GOLPH3: variants seen among roughly 807,000 people sequenced by gnomAD.
GOLPH3 encodes the protein golgi phosphoprotein 3.
In GOLPH3, 14 loss-of-function variants were observed where a neutral mutation model predicts 28.5. That is an observed-to-expected ratio of 0.49 (90% CI 0.32 to 0.77). The LOEUF (loss-of-function observed/expected upper bound fraction) is 0.77. Among genes scored for constraint, GOLPH3 ranks in the 30% least tolerant of loss-of-function variants. GOLPH3 has a pLI of 0.03. For synonymous variants in GOLPH3, 158 were observed against 159.2 expected (o/e 0.99, Z 0.06); for missense variants, 350 against 393.7 (o/e 0.89, Z 0.94).
intron 1 of GOLPH3, among the ~76,000 whole-genome samples, chr5:32,173,270 AAG>A (rs1746885846): frequency 1.3e-5 from 2 of 151,980 alleles, no homozygotes; most frequent in Admixed American, 6.6e-5. Flanking sequence ...TACTCAGTAA[AAG>A]AGCTTTTCCC....
At chr5:32,155,680 G>A (rs142155955) in intron 1 of GOLPH3, among the ~76,000 whole-genome samples, 193 of 152,124 alleles carry the variant, frequency 1.3e-3, no homozygotes, top group African/African-American at 4.0e-3. Flanking sequence ...GATTCTAGCC[G>A]GAAGCGGTGG....
At chr5:32,173,648 C>G (rs1278644720) in intron 1 of GOLPH3, 162 bp downstream of exon 1, 1 of 434,916 alleles carries the variant, frequency 2.3e-6, no homozygotes, top group Admixed American at 4.6e-5. Context: ...CAACCAACTC[C>G]GACACCGCTC....
At position 32,158,056 on chromosome 5, in the gene GOLPH3, ACACACT is replaced by A. The variant is rs796130949; in HGVS notation, c.226-14182_226-14177del. On this transcript the variant is annotated intron_variant, in intron 1 of 3. Coordinates refer to ENST00000265070, the MANE Select transcript of GOLPH3 (RefSeq NM_022130.4). ...CACACACACACACACACACACACAC[ACACACT>A]GGGCAAAATCAGCTTTAAACTCTGT... 4.3e-4 allele frequency among the ~76,000 whole-genome samples: 56 copies of A among 131,650 alleles called. 1 individual carries two copies. Among genetic ancestry groups the A allele is most frequent in the Non-Finnish European group, 5.5e-4 (34 of 61,346 alleles). The allele number at this position is 131,650 out of a possible 152,430, so 86.4% of individuals were successfully genotyped here. A position where few individuals can be genotyped will look rare whatever the true frequency, so the allele number is the denominator to read the frequency against.
chr5:32,146,058 G>C (rs1351521880), intron 1 of GOLPH3, among the ~76,000 whole-genome samples: 2 of 152,096 alleles, frequency 1.3e-5, no homozygotes, highest in Non-Finnish European at 2.9e-5. Flanking sequence ...TCGGGAGGCA[G>C]AGGCAAGCAG....
chr5:32,129,564 T>C (rs992975631), intron 3 of GOLPH3, among the ~76,000 whole-genome samples: 1 of 152,132 alleles, frequency 6.6e-6, no homozygotes, highest in Non-Finnish European at 1.5e-5. Context: ...CTAACTATAC[T>C]GGCCAGAAGA....
rs904844694 is a variant in GOLPH3 at position 32,174,294 on chromosome 5, A to AGGCGGC, written c.-266_-261dup. 1.8e-5 allele frequency: 6 copies of AGGCGGC among 331,910 alleles called. No homozygotes were observed. Among genetic ancestry groups the AGGCGGC allele is most frequent in the Non-Finnish European group, 2.2e-5 (4 of 183,832 alleles). 20.6% of individuals were successfully genotyped at this position (331,910 alleles called of 1,614,324 possible). ...CGAAACACCCCGAGCTCCAAGGCGG[A>AGGCGGC]GGCGGCGGCGGCGCCTTTCCAATAT... On this transcript the variant is annotated 5_prime_UTR_variant, in exon 1 of 4. Coordinates refer to ENST00000265070, the MANE Select transcript of GOLPH3 (RefSeq NM_022130.4).
chr5:32,159,743 T>A (rs1354582569), intron 1 of GOLPH3, among the ~76,000 whole-genome samples: 4 of 152,234 alleles, frequency 2.6e-5, no homozygotes, highest in Admixed American at 2.0e-4. Context: ...AATTATCATC[T>A]AGGTTCTACA....
chr5:32,171,294 T>C (rs930321634), intron 1 of GOLPH3, among the ~76,000 whole-genome samples: 11 of 151,820 alleles, frequency 7.2e-5, no homozygotes, highest in Non-Finnish European at 1.3e-4. Flanking sequence ...AAAAAAAAAT[T>C]GCAAAAAAAA....
At chr5:32,143,369 A>G (rs1746124416) in intron 2 of GOLPH3, among the ~76,000 whole-genome samples, 1 of 151,942 alleles carries the variant, frequency 6.6e-6, no homozygotes, top group Non-Finnish European at 1.5e-5. Context: ...TCACTTGTTT[A>G]TCTGCTGACC....
chr5:32,145,405 T>C (rs1328263446), intron 1 of GOLPH3, among the ~76,000 whole-genome samples: 2 of 152,226 alleles, frequency 1.3e-5, no homozygotes, highest in Non-Finnish European at 2.9e-5. Flanking sequence ...ATACCAGTAC[T>C]TTATAGAGGT....
At chr5:32,160,317 ATCC>A (rs1746545594) in intron 1 of GOLPH3, among the ~76,000 whole-genome samples, 1 of 152,156 alleles carries the variant, frequency 6.6e-6, no homozygotes, top group Non-Finnish European at 1.5e-5. Flanking sequence ...GACTCAGGCA[ATCC>A]TCCTATCTTG....
intron 1 of GOLPH3, among the ~76,000 whole-genome samples, chr5:32,152,400 C>T (rs1746326838): frequency 6.8e-6 from 1 of 146,134 alleles, no homozygotes; most frequent in Non-Finnish European, 1.5e-5. Context: ...GCTGGGATTA[C>T]AGGTATGAGC....
chr5:32,130,480 T>C (rs1206798641), intron 3 of GOLPH3, among the ~76,000 whole-genome samples: 1 of 152,222 alleles, frequency 6.6e-6, no homozygotes, highest in Non-Finnish European at 1.5e-5. Context: ...AATATGTTTA[T>C]GTTGTCACAA....
chr5:32,158,019 A>ACACAC (rs1161775486), intron 1 of GOLPH3, among the ~76,000 whole-genome samples: 4 of 23,212 alleles, frequency 1.7e-4, no homozygotes, highest in South Asian at 1.3e-3. Flanking sequence ...ATAAATAAAT[A>ACACAC]AAATACACAC....
At chr5:32,129,396 C>T (rs1483337009) in intron 3 of GOLPH3, among the ~76,000 whole-genome samples, 3 of 152,052 alleles carry the variant, frequency 2.0e-5, no homozygotes, top group Non-Finnish European at 4.4e-5. Context: ...TATTATTTGC[C>T]CATGTGCAGA....
intron 3 of GOLPH3, among the ~76,000 whole-genome samples, chr5:32,134,520 T>TAA (rs1224752113): frequency 8.9e-5 from 10 of 112,114 alleles, no homozygotes; most frequent in African/African-American, 2.5e-4. Flanking sequence ...AAAAATAAAA[T>TAA]AAAAAAAAAA....
chr5:32,167,361 A>G (rs567298541), intron 1 of GOLPH3, among the ~76,000 whole-genome samples: 13 of 152,090 alleles, frequency 8.5e-5, no homozygotes, highest in African/African-American at 3.1e-4. Flanking sequence ...TAATAGAGAC[A>G]GGGGTTCACC....
chr5:32,147,289 T>A (rs751437183), intron 1 of GOLPH3, among the ~76,000 whole-genome samples: 12 of 152,200 alleles, frequency 7.9e-5, no homozygotes, highest in Admixed American at 1.3e-4. Context: ...GCATTTTAAT[T>A]TACAGTATAC....
intron 3 of GOLPH3, among the ~76,000 whole-genome samples, chr5:32,126,991 A>G (rs974100157): frequency 1.3e-5 from 2 of 152,172 alleles, no homozygotes; most frequent in African/African-American, 4.8e-5. Context: ...TTTCTATTAA[A>G]CACCAGTCTG....
Sources: gnomAD v4.1 joint callset for allele counts (sites outside exome capture counted in the v4.1 genomes callset) on GRCh38, gnomAD v4.1.1 for gene constraint, MANE v1.5 for transcripts, NCBI Gene and HGNC (gene_info 2026-07-23, HGNC 2026-07-21) for gene names.